The following POLRMT variants were observed in gnomAD, a reference collection of about 807,000 sequenced individuals.
The protein encoded by POLRMT is DNA-directed RNA polymerase, mitochondrial.
POLRMT carries 114 observed loss-of-function variants against 132.2 expected under a neutral mutation model. That is an observed-to-expected ratio of 0.86 (90% CI 0.74 to 1.01). The LOEUF (loss-of-function observed/expected upper bound fraction) is 1.01, where lower values mean the gene tolerates loss of function less well. POLRMT is among the 50% of genes least tolerant of loss of function. The probability of loss-of-function intolerance (pLI) is 0.00; values close to 1 mark genes in which losing one functional copy is unlikely to be tolerated. For synonymous variants in POLRMT, 1,020 were observed against 773.4 expected, an observed-to-expected ratio of 1.32 and a Z score of -5.29; for missense variants, 2,003 against 1,729.1, an observed-to-expected ratio of 1.16 and a Z score of -2.81.
chr19:619,459 A>C (rs1281281036), intron 13 of POLRMT, 127 bp downstream of exon 13: 5 of 1,405,140 alleles, frequency 3.6e-6, no homozygotes, highest in Non-Finnish European at 4.9e-6. Flanking sequence ...CCCAAGCCCT[A>C]ACAGGCAGCC....
intron 9 of POLRMT, 107 bp downstream of exon 9, chr19:622,042 C>G (rs1984651850): frequency 1.6e-6 from 2 of 1,216,780 alleles, no homozygotes; most frequent in South Asian, 1.5e-5. Context: ...CTGGGAGGTA[C>G]TGACGGCTGC....
At chr19:623,738 G>T (rs1984815813) in intron 5 of POLRMT, 135 bp from the exon 6 acceptor site, 1 of 1,095,028 alleles carries the variant, frequency 9.1e-7, no homozygotes. Context: ...CGCGGGGAAA[G>T]GCGGGCTGCG....
rs1878794870 is a variant in POLRMT at position 618,699 on chromosome 19, A to C, written c.3323+6T>G. ...GGCCAGGCCCCAGCCCGGGCCCCCC[A>C]CTCACCGGCTGATGTCTCCGTTGTG... On this transcript the variant is annotated splice_donor_region_variant and intron_variant, in intron 16 of 20. Coordinates refer to ENST00000588649, the MANE Select transcript of POLRMT (RefSeq NM_005035.4). 3 of 1,606,350 alleles carry C rather than the reference A, an allele frequency of 1.9e-6. No homozygotes were observed. The highest frequency in any genetic ancestry group is 1.1e-5 in the South Asian group (1 of 90,196).
intron 3 of POLRMT, among the ~76,000 whole-genome samples, chr19:627,754 G>A (rs932398061): frequency 1.4e-4 from 21 of 151,190 alleles, no homozygotes; most frequent in Non-Finnish European, 2.9e-4. Flanking sequence ...GCAAAAGCCC[G>A]TCTCTACTAA....
chr19:618,259 G>A, intron 17 of POLRMT: 1 of 566,468 alleles, frequency 1.8e-6, no homozygotes, highest in Non-Finnish European at 3.1e-6. Context: ...GCAGGAAGGG[G>A]CAGCGCCCAT....
At chr19:626,041 C>T (rs1344234699) in intron 3 of POLRMT, among the ~76,000 whole-genome samples, 1 of 151,974 alleles carries the variant, frequency 6.6e-6, no homozygotes, top group Non-Finnish European at 1.5e-5. Context: ...CTATAAATTA[C>T]CCTGCGAGCA....
chr19:621,290 C>T lies in POLRMT; in HGVS notation c.2408G>A (p.Arg803His). 6.2e-7 allele frequency: 1 copy of T among 1,604,054 alleles called. No individual in the cohort carries two copies. The highest frequency in any genetic ancestry group is 8.5e-7 in the Non-Finnish European group (1 of 1,177,488). Reference sequence around the variant, plus strand: ...CGGCGGGCAGGGGTAGGTGCGGCCGCGGAAGTCCATGTTGTGCGGCAGCCA... The same window carrying T: ...CGGCGGGCAGGGGTAGGTGCGGCCGTGGAAGTCCATGTTGTGCGGCAGCCA... ...VFWLPHNMDFRGRTYPCPPHF... is the reference protein window; with the variant it reads ...VFWLPHNMDFHGRTYPCPPHF... Residue 803 changes from arginine to histidine, a missense_variant, in exon 10 of 21, where the codon CGC (arginine) becomes CAC (histidine). Physicochemically the swap from Arg to His is conservative, Grantham distance 29 (BLOSUM62 0). Coordinates refer to ENST00000588649, the MANE Select transcript of POLRMT (RefSeq NM_005035.4).
At chr19:619,830 C>T (rs1984363333) in intron 12 of POLRMT, 65 bp from the exon 13 acceptor site, 4 of 1,550,742 alleles carry the variant, frequency 2.6e-6, no homozygotes, top group Non-Finnish European at 1.7e-6. Context: ...CACCAAGCAC[C>T]CATGAAGCCC....
chr19:619,882 G>C (rs535362169), intron 12 of POLRMT, 76 bp downstream of exon 12: 16 of 1,587,674 alleles, frequency 1.0e-5, no homozygotes, highest in Non-Finnish European at 3.4e-6. Context: ...GCCAAGGTGA[G>C]GGCACCTGGG....
At chr19:628,103 C>A (rs1451951456) in intron 3 of POLRMT, among the ~76,000 whole-genome samples, 1 of 152,114 alleles carries the variant, frequency 6.6e-6, no homozygotes, top group African/African-American at 2.4e-5. Flanking sequence ...CTGCTGGCCA[C>A]CCCGGAACGC....
chr19:629,972 C>G lies in POLRMT; in HGVS notation c.390G>C (p.Lys130Asn). 1.9e-6 allele frequency: 3 copies of G among 1,613,844 alleles called. No individual in the cohort carries two copies. The highest frequency in any genetic ancestry group is 2.5e-6 in the Non-Finnish European group (3 of 1,180,038). ...GRWAKILEKD[K>N]RTQQMRMQRL... ...GCTGCATACGCATCTGCTGGGTCCG[C>G]TTATCCTTCTCCAGTATCTTTGCCC... Residue 130 changes from lysine to asparagine, a missense_variant, in exon 3 of 21, where the codon AAG (lysine) becomes AAC (asparagine). Lys to Asn is a moderately conservative substitution (Grantham distance 94, BLOSUM62 0). Coordinates refer to ENST00000588649, the MANE Select transcript of POLRMT (RefSeq NM_005035.4).
chr19:625,355 G>C, intron 3 of POLRMT, 101 bp from the exon 4 acceptor site: 1 of 1,509,102 alleles, frequency 6.6e-7, no homozygotes, highest in East Asian at 2.3e-5. Context: ...AGCTCAGCAG[G>C]GGACAGGGTC....
rs778886362 is a variant in POLRMT at position 618,777 on chromosome 19, G to A, written c.3268-17C>T. Reference sequence around the variant, plus strand: ...TCCTATTTGCTAAAAAGGGGAAGGGGCCGGTGAGTCCCACCCGAGGCCCAG... The same window carrying A: ...TCCTATTTGCTAAAAAGGGGAAGGGACCGGTGAGTCCCACCCGAGGCCCAG... On this transcript the variant is annotated splice_polypyrimidine_tract_variant and intron_variant, in intron 15 of 20. Transcript: ENST00000588649. The A allele has an allele frequency of 1.1e-5, 17 of 1,585,410 alleles. No homozygotes were observed. Among genetic ancestry groups the A allele is most frequent in the South Asian group, 2.3e-5 (2 of 87,770 alleles).
chr19:621,381 G>C lies in POLRMT; in HGVS notation c.2317C>G (p.His773Asp). The C allele has an allele frequency of 6.5e-7, 1 of 1,547,112 alleles. No individual in the cohort carries two copies. The highest frequency in any genetic ancestry group is 8.7e-7 in the Non-Finnish European group (1 of 1,154,352). Reference protein sequence around the residue: ...AHCQKVAREMHSLRAEALYRL... With the variant: ...AHCQKVAREMDSLRAEALYRL... The stretch of plus-strand genomic sequence containing the variant: ...TACAGCGCCTCCGCCCGCAGGCTGT[G>C]CATCTCCCGGGCCACCTTCTGGCAG... Residue 773 changes from histidine (H) to aspartate (D), a missense_variant, in exon 10 of 21, where the codon CAC becomes GAC. Coordinates refer to ENST00000588649, the MANE Select transcript of POLRMT (RefSeq NM_005035.4).
At chr19:633,020 G>C (rs1378308098) in intron 1 of POLRMT, 82 bp from the exon 2 acceptor site, 2 of 966,204 alleles carry the variant, frequency 2.1e-6, no homozygotes, top group Non-Finnish European at 2.9e-6. Flanking sequence ...AAGGGTCGAA[G>C]GGCAAAGGAG....
rs149469342 is a variant in POLRMT at position 624,758 on chromosome 19, C to A, written c.1101G>T (p.Pro367=). The A allele has an allele frequency of 1.9e-6, 3 of 1,613,884 alleles. No individual in the cohort carries two copies. The highest frequency in any genetic ancestry group is 2.5e-6 in the Non-Finnish European group (3 of 1,180,002). The stretch of plus-strand genomic sequence containing the variant: ...CCCTGAGCAGCTTGGAGGTGTTGAC[C>A]GGGGGCGGCAGCTGCGGCGGGAGGC... ...TFSLPPQLPP[P]VNTSKLLRDV... is the part of the protein sequence containing the mutation. The change falls in exon 5 of 21, where the codon CCG becomes CCT. Residue 367 remains proline (P), a synonymous_variant. Coordinates refer to ENST00000588649, the MANE Select transcript of POLRMT (RefSeq NM_005035.4).
At position 621,113 on chromosome 19, in the gene POLRMT, G is replaced by A. The variant is rs534157418; in HGVS notation, c.2585C>T (p.Ala862Val). 3.0e-5 allele frequency: 49 copies of A among 1,610,076 alleles called. No individual in the cohort carries two copies. The highest frequency in any genetic ancestry group is 1.9e-4 in the South Asian group (17 of 90,972). ...GTCATCCATCACCTCCTCCGCAAAG[G>A]CCAGGCGCTTCCGCAGCGGCTCCCG... ...KKREPLRKRL[A>V]FAEEVMDDIL... is the part of the protein sequence containing the mutation. Residue 862 changes from alanine (A) to valine (V), a missense_variant, in exon 10 of 21, where the codon GCC (alanine) becomes GTC (valine). Ala to Val is a moderately conservative substitution (Grantham distance 64, BLOSUM62 0). Transcript: ENST00000588649.
Position 631,651 on chromosome 19 carries a change from T to A in POLRMT, c.193+1183A>T, listed in dbSNP as rs1405268679. ...AGAATCCGTCTCAAGAAAAAAAAAA[T>A]TGCTGAAATAAAAAGACAAGCGTGA... On this transcript the variant is annotated intron_variant, in intron 2 of 20. Coordinates refer to ENST00000588649, the MANE Select transcript of POLRMT (RefSeq NM_005035.4). Among the ~76,000 whole-genome samples the A allele has an allele frequency of 2.6e-5, 4 of 151,736 alleles. No individual in the cohort carries two copies. In the South Asian group the frequency reaches 8.4e-4, roughly 32 times the overall value.
rs778617813 is a variant in POLRMT at position 619,346 on chromosome 19, C to G, written c.3067-50G>C. ...AGGTCCTCAGGGGCTGGCCCGTTCA[C>G]GCCCTACTCCCCCCTATTTCAGAGC... On this transcript the variant is annotated intron_variant, in intron 13 of 20. Coordinates refer to ENST00000588649, the MANE Select transcript of POLRMT (RefSeq NM_005035.4). 6 of 1,565,240 alleles carry G rather than the reference C, an allele frequency of 3.8e-6. No homozygotes were observed. The South Asian group carries it at 6.7e-5, about 17-fold the overall frequency.
Sources: gnomAD v4.1 joint callset for allele counts (sites outside exome capture counted in the v4.1 genomes callset) on GRCh38, gnomAD v4.1.1 for gene constraint, MANE v1.5 for transcripts, NCBI Gene and HGNC (gene_info 2026-07-23, HGNC 2026-07-21) for gene names.